The following TRAK1 variants were observed in gnomAD, a reference collection of about 807,000 sequenced individuals.
The protein encoded by TRAK1 is trafficking kinesin protein 1, also known as trafficking kinesin-binding protein 1.
Under a neutral mutation model 92.1 loss-of-function variants are expected in TRAK1, and 33 were observed. The observed-to-expected ratio is 0.36, with a 90% confidence interval of 0.27 to 0.48. TRAK1 has a LOEUF of 0.48. TRAK1 is among the 20% of genes least tolerant of loss of function. The pLI, the probability that TRAK1 is intolerant of heterozygous loss-of-function variation, is 0.99. For synonymous variants in TRAK1, 521 were observed against 517.3 expected, an observed-to-expected ratio of 1.01 and a Z score of -0.10; for missense variants, 1,123 against 1,257.9, an observed-to-expected ratio of 0.89 and a Z score of 1.62.
intron 1 of TRAK1, among the ~76,000 whole-genome samples, chr3:42,124,578 C>T (rs936880605): frequency 6.6e-6 from 1 of 152,088 alleles, no homozygotes; most frequent in Non-Finnish European, 1.5e-5. Context: ...TAGTATGCAC[C>T]CCCTGAGCAC....
intron 1 of TRAK1, among the ~76,000 whole-genome samples, chr3:42,077,030 G>GTA (rs1176460898): frequency 6.6e-6 from 1 of 152,200 alleles, no homozygotes; most frequent in African/African-American, 2.4e-5. Context: ...TTCAGTTACT[G>GTA]TAGCCTTGTA....
At chr3:42,133,347 C>T (rs543569835) in intron 2 of TRAK1, among the ~76,000 whole-genome samples, 80 of 152,306 alleles carry the variant, frequency 5.3e-4, no homozygotes, top group African/African-American at 1.7e-3. Context: ...GCCGCTCCCT[C>T]GCTACCCCTC....
chr3:42,201,284 T>C (rs7609884), intron 12 of TRAK1, among the ~76,000 whole-genome samples: 115,430 of 152,044 alleles, frequency 0.76, 44,189 homozygotes, highest in East Asian at 0.98. Context: ...CATTGCAAAA[T>C]CCCATGTCTA....
intron 2 of TRAK1, among the ~76,000 whole-genome samples, chr3:42,168,885 A>G (rs532223318): frequency 1.3e-5 from 2 of 152,298 alleles, no homozygotes; most frequent in Non-Finnish European, 2.9e-5. Context: ...GTGCAGTGGC[A>G]GGATCTCAGC....
At chr3:42,160,230 C>T in intron 2 of TRAK1, 1 of 1,490,506 alleles carries the variant, frequency 6.7e-7, no homozygotes, top group Non-Finnish European at 8.9e-7. Context: ...CAGGGCATGT[C>T]TGCGGCCCAG....
At chr3:42,158,149 G>A (rs1024365545) in intron 2 of TRAK1, among the ~76,000 whole-genome samples, 1 of 152,044 alleles carries the variant, frequency 6.6e-6, no homozygotes, top group Non-Finnish European at 1.5e-5. Context: ...GAATATCTAA[G>A]TCTCTGTATG....
At chr3:42,091,900 T>C (rs1451802137) in intron 1 of TRAK1, among the ~76,000 whole-genome samples, 1 of 152,168 alleles carries the variant, frequency 6.6e-6, no homozygotes, top group African/African-American at 2.4e-5. Context: ...TTCACAGTTC[T>C]CTGCAGTGGG....
intron 2 of TRAK1, among the ~76,000 whole-genome samples, chr3:42,129,295 G>C (rs971633896): frequency 4.6e-5 from 7 of 152,128 alleles, no homozygotes; most frequent in African/African-American, 1.7e-4. Flanking sequence ...AGAGGTTCTC[G>C]GTTGTGGGCG....
chr3:42,152,571 G>A (rs80339420), intron 2 of TRAK1, among the ~76,000 whole-genome samples: 6,013 of 152,162 alleles, frequency 0.04, 418 homozygotes, highest in African/African-American at 0.14. Flanking sequence ...CACATGCTTT[G>A]GGGGATTCTT....
At chr3:42,052,250 C>T (rs775695130) in intron 1 of TRAK1, among the ~76,000 whole-genome samples, 5 of 152,256 alleles carry the variant, frequency 3.3e-5, no homozygotes, top group African/African-American at 2.4e-5. Context: ...CTATAGTCCC[C>T]AACCAGTACC....
chr3:42,208,637 G>A (rs148935186), intron 13 of TRAK1, among the ~76,000 whole-genome samples: 1 of 152,316 alleles, frequency 6.6e-6, no homozygotes, highest in African/African-American at 2.4e-5. Context: ...GTGACTGCCC[G>A]AGCATCCATT....
At chr3:42,171,713 G>A (rs751295422) in intron 2 of TRAK1, among the ~76,000 whole-genome samples, 2 of 152,108 alleles carry the variant, frequency 1.3e-5, no homozygotes, top group Admixed American at 6.5e-5. Flanking sequence ...GGTTTTCCTC[G>A]GGGTCTTCAA....
intron 14 of TRAK1, among the ~76,000 whole-genome samples, chr3:42,216,833 T>C (rs1709750629): frequency 6.6e-6 from 1 of 152,178 alleles, no homozygotes; most frequent in Non-Finnish European, 1.5e-5. Flanking sequence ...TTCAAAACAC[T>C]AGGAAGCCCT....
chr3:42,043,250 T>G (rs1702618493), intron 1 of TRAK1, among the ~76,000 whole-genome samples: 1 of 151,946 alleles, frequency 6.6e-6, no homozygotes, highest in Non-Finnish European at 1.5e-5. Flanking sequence ...CTCCTCCCTC[T>G]CACATTGCCC....
At chr3:42,198,654 G>A (rs571413971) in intron 10 of TRAK1, among the ~76,000 whole-genome samples, 2 of 152,162 alleles carry the variant, frequency 1.3e-5, no homozygotes, top group African/African-American at 4.8e-5. Flanking sequence ...CCCAGGAGCC[G>A]AAGTTGGAGG....
upstream of TRAK1, among the ~76,000 whole-genome samples, chr3:42,086,055 C>T (rs1704655408): frequency 6.6e-6 from 1 of 152,284 alleles, no homozygotes; most frequent in African/African-American, 2.4e-5. Flanking sequence ...TTGTAGGTTT[C>T]CTTTTTCATT....
At chr3:42,196,600 C>T (rs1274915700) in intron 10 of TRAK1, among the ~76,000 whole-genome samples, 13 of 145,592 alleles carry the variant, frequency 8.9e-5, no homozygotes, top group South Asian at 2.2e-4. Flanking sequence ...TGCAGTGGTG[C>T]GATCTTGGCT....
chr3:42,140,159 G>A (rs1388849615), intron 2 of TRAK1, among the ~76,000 whole-genome samples: 1 of 152,102 alleles, frequency 6.6e-6, no homozygotes, highest in Non-Finnish European at 1.5e-5. Flanking sequence ...CCCTGCTTTT[G>A]GATATGTTCT....
intron 1 of TRAK1, among the ~76,000 whole-genome samples, chr3:42,041,513 G>A (rs553721376): frequency 1.8e-4 from 28 of 151,566 alleles, no homozygotes; most frequent in Non-Finnish European, 3.5e-4. Flanking sequence ...GTTTTTTAGC[G>A]GGTTCCTTAG....
Sources: gnomAD v4.1 joint callset for allele counts (sites outside exome capture counted in the v4.1 genomes callset) on GRCh38, gnomAD v4.1.1 for gene constraint, MANE v1.5 for transcripts, NCBI Gene and HGNC (gene_info 2026-07-23, HGNC 2026-07-21) for gene names.